The following ST18 variants were observed in gnomAD, a reference collection of about 807,000 sequenced individuals.
ST18 encodes ST18 C2H2C-type zinc finger transcription factor, also known as suppression of tumorigenicity 18 protein.
In ST18, 50 loss-of-function variants were observed where a neutral mutation model predicts 110.0. The observed-to-expected ratio is 0.45, with a 90% CI of 0.36 to 0.58. The LOEUF (loss-of-function observed/expected upper bound fraction) is 0.58. ST18 is among the 20% of genes least tolerant of loss of function. The pLI, the probability that ST18 is intolerant of heterozygous loss-of-function variation, is 0.00. For missense variants in ST18, 1,306 were observed against 1,280.1 expected, an observed-to-expected ratio of 1.02 and a Z score of -0.31; for synonymous variants, 461 against 452.4, an observed-to-expected ratio of 1.02 and a Z score of -0.24.
intron 2 of ST18, among the ~76,000 whole-genome samples, chr8:52,353,180 G>A (rs570627654): frequency 6.6e-6 from 1 of 152,342 alleles, no homozygotes; most frequent in South Asian, 2.1e-4. Context: ...ATATGCTAAT[G>A]TGGGAGAATT....
chr8:52,409,626 A>G lies in ST18; in HGVS notation c.-668T>C, dbSNP rs1038541999. The G allele has an allele frequency of 6.6e-6, 1 of 152,218 alleles. No homozygotes were observed. The highest frequency in any genetic ancestry group is 2.4e-5 in the African/African-American group (1 of 41,450). The allele number at this position is 152,218 out of a possible 1,614,324, so 9.4% of individuals were successfully genotyped here. On this transcript the variant is annotated 5_prime_UTR_variant, in exon 1 of 26. The change abolishes an upstream ATG in the 5' untranslated region. Transcript: ENST00000689386. ...TCTTCATGTGGCCTTATTAAAAGCC[A>G]TGGTTTCCGAGATGTAAAACACCCA...
In ST18 at chr8:52,315,487, A is replaced by G. The variant is rs117310333; in HGVS notation, c.-464-85410T>C. On this transcript the variant is annotated intron_variant, in intron 2 of 25. Coordinates refer to ENST00000689386, the MANE Select transcript of ST18 (RefSeq NM_001352837.2). ...TCTATTGAAAATTGTAGCCCCACTT[A>G]TCCACCTTAACCTGTTGGCTTGTTG... Among the ~76,000 whole-genome samples the G allele has an allele frequency of 6.8e-3, 1,030 of 152,334 alleles. 9 individuals are homozygous for G. The highest frequency in any genetic ancestry group is 8.1e-3 in the Non-Finnish European group (550 of 68,022).
At chr8:52,294,911 C>T (rs2095608682) in intron 2 of ST18, among the ~76,000 whole-genome samples, 1 of 152,216 alleles carries the variant, frequency 6.6e-6, no homozygotes, top group Non-Finnish European at 1.5e-5. Flanking sequence ...ATCACCTTCT[C>T]ACATATATTT....
In ST18 at chr8:52,133,436, G is replaced by A; in HGVS notation, c.2301-135C>T. The A allele has an allele frequency of 3.2e-6, 3 of 938,878 alleles. No homozygotes were observed. In the South Asian group the frequency reaches 4.4e-5, roughly 14 times the overall value. The allele number at this position is 938,878 out of a possible 1,614,324, so 58.2% of individuals were successfully genotyped here. A position where few individuals can be genotyped will look rare whatever the true frequency, so the allele number is the denominator to read the frequency against. On this transcript the variant is annotated intron_variant, in intron 19 of 25. Coordinates refer to ENST00000689386, the MANE Select transcript of ST18 (RefSeq NM_001352837.2). ...TGTAGTTCACGTGGAGGGAGGCGGGGTCACACAGCCAAATGTAACTAAAAA... is the reference window on the plus strand; with the variant it reads ...TGTAGTTCACGTGGAGGGAGGCGGGATCACACAGCCAAATGTAACTAAAAA...
At chr8:52,394,078 C>G (rs1415514487) in intron 2 of ST18, among the ~76,000 whole-genome samples, 1 of 152,060 alleles carries the variant, frequency 6.6e-6, no homozygotes, top group African/African-American at 2.4e-5. Context: ...ACAGCAACGC[C>G]CATTAATGTG....
rs79201300 is a variant in ST18, at chr8:52,169,056, G to A, written c.1070-2070C>T. Among the ~76,000 whole-genome samples, 17 of 152,250 alleles carry A rather than the reference G, an allele frequency of 1.1e-4. 1 individual carries two copies. In the East Asian group the frequency reaches 2.7e-3, roughly 24 times the overall value. The stretch of plus-strand genomic sequence containing the variant: ...CACACTGTTTGTCTGCAGGAAGCCC[G>A]AGAGGGTGCTAGAGATAAGGCAGCC... On this transcript the variant is annotated intron_variant, in intron 10 of 25. Transcript: ENST00000689386.
At chr8:52,287,109 T>C (rs1374471666) in intron 2 of ST18, among the ~76,000 whole-genome samples, 1 of 152,154 alleles carries the variant, frequency 6.6e-6, no homozygotes, top group Non-Finnish European at 1.5e-5. Context: ...CAAAGACTGT[T>C]CCAAAAAATC....
chr8:52,297,701 G>T (rs1280331040), intron 2 of ST18, among the ~76,000 whole-genome samples: 1 of 152,172 alleles, frequency 6.6e-6, no homozygotes, highest in Non-Finnish European at 1.5e-5. Flanking sequence ...TAACAAACAT[G>T]TAATGTATAA....
chr8:52,329,096 T>G (rs557826952), intron 2 of ST18, among the ~76,000 whole-genome samples: 43 of 152,262 alleles, frequency 2.8e-4, no homozygotes, highest in African/African-American at 1.0e-3. Context: ...TTCCAATGAC[T>G]AAAAAACAGG....
At position 52,389,109 on chromosome 8, in the gene ST18, C is replaced by T. The variant is rs575457728; in HGVS notation, c.-465+20219G>A. On this transcript the variant is annotated intron_variant, in intron 2 of 25. Coordinates refer to ENST00000689386, the MANE Select transcript of ST18 (RefSeq NM_001352837.2). Reference sequence around the variant, plus strand: ...GCCACACAGCCAAGAGGAGGCGAGGCGAGCCTGGCGCTTCAGGCGCTGCCC... The same window carrying T: ...GCCACACAGCCAAGAGGAGGCGAGGTGAGCCTGGCGCTTCAGGCGCTGCCC... 1.1e-4 allele frequency among the ~76,000 whole-genome samples: 17 copies of T among 152,248 alleles called. No homozygotes were observed. In the East Asian group the frequency reaches 3.3e-3, roughly 29 times the overall value.
intron 2 of ST18, among the ~76,000 whole-genome samples, chr8:52,313,681 G>A (rs2095966237): frequency 6.6e-6 from 1 of 152,166 alleles, no homozygotes; most frequent in Non-Finnish European, 1.5e-5. Flanking sequence ...GGTTTCCAGG[G>A]CCCAGACACC....
intron 2 of ST18, among the ~76,000 whole-genome samples, chr8:52,334,273 G>A (rs1457845603): frequency 1.3e-5 from 2 of 152,108 alleles, no homozygotes; most frequent in African/African-American, 4.8e-5. Context: ...ACTAAAAAAT[G>A]TTACGTTTGG....
At chr8:52,322,714 C>T (rs1589897693) in intron 2 of ST18, among the ~76,000 whole-genome samples, 1 of 152,104 alleles carries the variant, frequency 6.6e-6, no homozygotes, top group Admixed American at 6.6e-5. Context: ...TAAAATAAAG[C>T]ACTAATTGTT....
chr8:52,261,975 A>T (rs2094707534), intron 2 of ST18, among the ~76,000 whole-genome samples: 1 of 152,228 alleles, frequency 6.6e-6, no homozygotes, highest in Non-Finnish European at 1.5e-5. Flanking sequence ...TTGCTATAAG[A>T]GAACACCACA....
intron 13 of ST18, among the ~76,000 whole-genome samples, chr8:52,162,411 G>A (rs1301803461): frequency 6.6e-6 from 1 of 152,190 alleles, no homozygotes; most frequent in Non-Finnish European, 1.5e-5. Flanking sequence ...GAAATCTGAT[G>A]CCTAAGAGGG....
chr8:52,282,659 T>C (rs2095404031), intron 2 of ST18, among the ~76,000 whole-genome samples: 1 of 152,036 alleles, frequency 6.6e-6, no homozygotes, highest in South Asian at 2.1e-4. Flanking sequence ...GAAGCTTAGG[T>C]GCTTGAGGTA....
At chr8:52,126,228 GT>G (rs1228714784) in intron 22 of ST18, 88 bp from the exon 23 acceptor site, 7 of 1,301,136 alleles carry the variant, frequency 5.4e-6, no homozygotes, top group African/African-American at 1.5e-5. Context: ...TACTATTTGT[GT>G]TTTTGCTGCC....
chr8:52,334,719 G>A (rs1034802029), intron 2 of ST18, among the ~76,000 whole-genome samples: 2 of 151,900 alleles, frequency 1.3e-5, no homozygotes, highest in South Asian at 2.1e-4. Context: ...AAAAAAAAAT[G>A]TTTTCCTTAA....
intron 3 of ST18, among the ~76,000 whole-genome samples, chr8:52,222,264 C>T (rs1197265034): frequency 6.6e-6 from 1 of 152,212 alleles, no homozygotes; most frequent in African/African-American, 2.4e-5. Context: ...CACACAGCAG[C>T]ACATCATCTG....
Sources: allele counts gnomAD v4.1 joint callset (sites outside exome capture counted in the v4.1 genomes callset), GRCh38; gene constraint gnomAD v4.1.1; transcripts MANE v1.5; gene names NCBI Gene and HGNC (gene_info 2026-07-23, HGNC 2026-07-21).